PAK5: variants seen among roughly 807,000 people sequenced by gnomAD.
PAK5 encodes the protein serine/threonine-protein kinase PAK 5.
Under a neutral mutation model 65.9 loss-of-function variants are expected in PAK5, and 16 were observed. The observed-to-expected ratio is 0.24, with a 90% CI of 0.16 to 0.37. The LOEUF (loss-of-function observed/expected upper bound fraction) is 0.37, where lower values mean the gene tolerates loss of function less well. Among genes scored for constraint, PAK5 ranks in the 10% least tolerant of loss-of-function variants. The probability of loss-of-function intolerance (pLI) is 1.00; values close to 1 mark genes in which losing one functional copy is unlikely to be tolerated. For missense variants in PAK5, 785 were observed against 903.9 expected (o/e 0.87, Z 1.69); for synonymous variants, 371 against 354.9 (o/e 1.05, Z -0.51).
At chr20:9,774,220 G>T (rs1168251801) in intron 1 of PAK5, among the ~76,000 whole-genome samples, 2 of 152,186 alleles carry the variant, frequency 1.3e-5, no homozygotes, top group African/African-American at 4.8e-5. Flanking sequence ...GAGCTTGGGG[G>T]AAAGGAGGAA....
chr20:9,609,296 A>T (rs1471035226), intron 3 of PAK5, among the ~76,000 whole-genome samples: 1 of 152,234 alleles, frequency 6.6e-6, no homozygotes, highest in Non-Finnish European at 1.5e-5. Context: ...AAATGAAGAC[A>T]TCACCTGCAG....
intron 1 of PAK5, among the ~76,000 whole-genome samples, chr20:9,729,907 G>C (rs1254368842): frequency 2.0e-5 from 3 of 151,364 alleles, no homozygotes; most frequent in Non-Finnish European, 4.4e-5. Flanking sequence ...AGCTACTCTG[G>C]TGGCTGAGGT....
At chr20:9,567,470 T>C (rs1228358166) in intron 4 of PAK5, among the ~76,000 whole-genome samples, 1 of 152,206 alleles carries the variant, frequency 6.6e-6, no homozygotes, top group Non-Finnish European at 1.5e-5. Flanking sequence ...AATTAAAAAT[T>C]CAGTTTCTCA....
intron 1 of PAK5, among the ~76,000 whole-genome samples, chr20:9,765,535 CTA>C (rs2048747260): frequency 6.6e-6 from 1 of 151,942 alleles, no homozygotes; most frequent in South Asian, 2.1e-4. Flanking sequence ...AACACTAATT[CTA>C]TGAGAGCTGT....
intron 2 of PAK5, among the ~76,000 whole-genome samples, chr20:9,666,466 A>AAAGG (rs938303348): frequency 2.0e-5 from 3 of 152,040 alleles, no homozygotes; most frequent in Non-Finnish European, 4.4e-5. Flanking sequence ...AGAAAGAAAG[A>AAAGG]ATGAAACCAC....
intron 1 of PAK5, among the ~76,000 whole-genome samples, chr20:9,781,438 G>T (rs1037296675): frequency 5.3e-5 from 8 of 152,182 alleles, no homozygotes; most frequent in African/African-American, 1.9e-4. Context: ...AATAAGATAA[G>T]AAGATATCAC....
chr20:9,655,545 A>AT (rs1569023092), intron 2 of PAK5, among the ~76,000 whole-genome samples: 1 of 152,170 alleles, frequency 6.6e-6, no homozygotes, highest in Admixed American at 6.5e-5. Flanking sequence ...ATAAAATGGA[A>AT]TGTACTATAA....
chr20:9,621,387 G>C (rs1202483954), intron 3 of PAK5, among the ~76,000 whole-genome samples: 1 of 137,620 alleles, frequency 7.3e-6, no homozygotes, highest in Non-Finnish European at 1.5e-5. Context: ...ATGTCATTAA[G>C]TTCAGGGCAG....
At chr20:9,791,649 A>G (rs1391538698) in intron 1 of PAK5, among the ~76,000 whole-genome samples, 1 of 152,110 alleles carries the variant, frequency 6.6e-6, no homozygotes, top group Non-Finnish European at 1.5e-5. Context: ...GTGATTCACC[A>G]ATCCTTTTAG....
intron 1 of PAK5, among the ~76,000 whole-genome samples, chr20:9,746,202 T>C (rs1257144455): frequency 6.6e-6 from 1 of 152,108 alleles, no homozygotes; most frequent in Non-Finnish European, 1.5e-5. Context: ...GCCATAGCCC[T>C]GCCCTGCCCC....
Position 9,562,949 on chromosome 20 carries a change from A to G in PAK5, c.1558T>C (p.Trp520Arg). ...YSSYLVGDEL[W>R]VVMEFLEGGA... ...CCTTCTAGAAACTCCATGACCACCCAGAGCTCATCGCCGACAAGGTAGCTG... is the reference window on the plus strand; with the variant it reads ...CCTTCTAGAAACTCCATGACCACCCGGAGCTCATCGCCGACAAGGTAGCTG... Residue 520 changes from tryptophan to arginine, a missense_variant, in exon 6 of 10, where the codon TGG becomes CGG. Coordinates refer to ENST00000353224, the MANE Select transcript of PAK5 (RefSeq NM_177990.4). 6.2e-7 allele frequency: 1 copy of G among 1,613,640 alleles called. No individual in the cohort carries two copies. Among genetic ancestry groups the G allele is most frequent in the Non-Finnish European group, 8.5e-7 (1 of 1,179,546 alleles).
At chr20:9,753,344 T>C (rs1378850505) in intron 1 of PAK5, among the ~76,000 whole-genome samples, 1 of 152,134 alleles carries the variant, frequency 6.6e-6, no homozygotes. Flanking sequence ...TAAGATTTAT[T>C]ATCATCAAAA....
intron 2 of PAK5, among the ~76,000 whole-genome samples, chr20:9,660,656 A>T (rs1175885626): frequency 2.0e-5 from 3 of 152,166 alleles, no homozygotes; most frequent in African/African-American, 7.2e-5. Context: ...CCTTAAATTA[A>T]GAAGGTGATA....
chr20:9,738,810 T>C (rs955383119), intron 1 of PAK5, among the ~76,000 whole-genome samples: 9 of 113,858 alleles, frequency 7.9e-5, no homozygotes, highest in Non-Finnish European at 1.7e-4. Context: ...ACTTTAAATA[T>C]GGGCAGTTTG....
chr20:9,779,372 TATA>T (rs1290131336), intron 1 of PAK5, among the ~76,000 whole-genome samples: 1 of 110,694 alleles, frequency 9.0e-6, no homozygotes, highest in Non-Finnish European at 1.9e-5. Flanking sequence ...ATATCTAAAA[TATA>T]ATTAAATTTA....
chr20:9,767,762 C>T (rs960134843), intron 1 of PAK5, among the ~76,000 whole-genome samples: 1 of 152,142 alleles, frequency 6.6e-6, no homozygotes, highest in East Asian at 1.9e-4. Flanking sequence ...GGGGTTTGTC[C>T]CCTTCTCCTT....
intron 3 of PAK5, among the ~76,000 whole-genome samples, chr20:9,592,544 A>C (rs987347931): frequency 6.6e-6 from 1 of 152,162 alleles, no homozygotes; most frequent in Admixed American, 6.5e-5. Context: ...TACGTTTATG[A>C]TTTGTATATC....
At chr20:9,565,840 T>C (rs2045666604) in intron 5 of PAK5, 53 bp downstream of exon 5, 6 of 1,531,666 alleles carry the variant, frequency 3.9e-6, no homozygotes, top group Non-Finnish European at 4.4e-6. Flanking sequence ...ACTTTTGAAA[T>C]GGGAAATAAA....
intron 3 of PAK5, among the ~76,000 whole-genome samples, chr20:9,622,518 A>G (rs911504567): frequency 6.6e-6 from 1 of 152,200 alleles, no homozygotes; most frequent in African/African-American, 2.4e-5. Context: ...AATTCAGTTA[A>G]TTCAGGGGTG....
Sources: gnomAD v4.1 joint callset for allele counts (sites outside exome capture counted in the v4.1 genomes callset) on GRCh38, gnomAD v4.1.1 for gene constraint, MANE v1.5 for transcripts, NCBI Gene and HGNC (gene_info 2026-07-23, HGNC 2026-07-21) for gene names.